Variants in FRAS1 observed in about 807,000 individuals in gnomAD.
FRAS1 encodes extracellular matrix organizing protein FRAS1.
FRAS1 carries 290 observed loss-of-function variants against 435.2 expected under a neutral mutation model. The observed-to-expected ratio is 0.67, with a 90% confidence interval of 0.61 to 0.73. The LOEUF is 0.73. FRAS1 is among the 30% of genes least tolerant of loss of function. FRAS1 has a pLI of 0.00. For missense variants in FRAS1, 4,860 were observed against 5,001.5 expected (o/e 0.97, Z 0.85); for synonymous variants, 1,800 against 1,851.0 (o/e 0.97, Z 0.71).
chr4:78,104,107 T>C (rs1742271034), intron 2 of FRAS1, among the ~76,000 whole-genome samples: 2 of 152,202 alleles, frequency 1.3e-5, no homozygotes, highest in Non-Finnish European at 1.5e-5. Context: ...CTGTTTTATT[T>C]AATATTTTAC....
intron 47 of FRAS1, among the ~76,000 whole-genome samples, chr4:78,456,927 C>T (rs182077067): frequency 2.6e-5 from 4 of 152,286 alleles, no homozygotes; most frequent in African/African-American, 7.2e-5. Context: ...AGACAGCTCT[C>T]AACACAACAC....
chr4:78,491,365 G>A (rs1260586792), intron 59 of FRAS1, among the ~76,000 whole-genome samples: 1 of 151,754 alleles, frequency 6.6e-6, no homozygotes, highest in African/African-American at 2.4e-5. Flanking sequence ...AAAAAATTCA[G>A]GCCAATATCT....
intron 2 of FRAS1, among the ~76,000 whole-genome samples, chr4:78,156,986 C>T (rs993839972): frequency 6.6e-6 from 1 of 152,180 alleles, no homozygotes. Flanking sequence ...CCTTCTAGGT[C>T]GCCTTTGCAG....
chr4:78,501,661 A>G (rs1025530660), intron 61 of FRAS1, among the ~76,000 whole-genome samples: 4 of 152,202 alleles, frequency 2.6e-5, no homozygotes, highest in African/African-American at 9.7e-5. Context: ...CGCCAGTCTA[A>G]CTGGCATGAG....
At chr4:78,133,731 C>T (rs534652937) in intron 2 of FRAS1, among the ~76,000 whole-genome samples, 1 of 152,262 alleles carries the variant, frequency 6.6e-6, no homozygotes, top group Non-Finnish European at 1.5e-5. Context: ...AACAAAATGA[C>T]GAGGCCAACC....
chr4:78,333,759 C>T (rs993937999), intron 19 of FRAS1, among the ~76,000 whole-genome samples: 1 of 152,134 alleles, frequency 6.6e-6, no homozygotes, highest in African/African-American at 2.4e-5. Context: ...AGAACTAGAA[C>T]TTAGTTCAGC....
intron 18 of FRAS1, among the ~76,000 whole-genome samples, chr4:78,332,909 G>A (rs1200646835): frequency 6.6e-6 from 1 of 152,172 alleles, no homozygotes; most frequent in Admixed American, 6.5e-5. Context: ...AACCCGATAA[G>A]CAGCAGAGTA....
At chr4:78,078,128 T>C (rs1002973125) in intron 2 of FRAS1, among the ~76,000 whole-genome samples, 1 of 152,194 alleles carries the variant, frequency 6.6e-6, no homozygotes. Context: ...TCTATGTCAA[T>C]ACACAGTTCT....
At chr4:78,120,819 T>C (rs67819118) in intron 2 of FRAS1, among the ~76,000 whole-genome samples, 12,855 of 152,262 alleles carry the variant, frequency 0.084, 758 homozygotes, top group Non-Finnish European at 0.13. Context: ...TGAATTAAAA[T>C]CTTGCTACAA....
rs369605412 is a variant in FRAS1 at position 78,318,986 on chromosome 4, G to A, written c.2137G>A (p.Ala713Thr). ...CTTGGAGAGCACTGGCATATGTGAA[G>A]GTAAGCATGATTTGAGAAAGTGTTA... ...FYLESTGICE[A>T]CHQSCFRCAG... Residue 713 changes from alanine to threonine, a missense_variant and splice_region_variant, in exon 18 of 74, where the codon GCT (alanine) becomes ACT (threonine). Transcript: ENST00000512123. 67 of 1,613,672 alleles carry A rather than the reference G, an allele frequency of 4.2e-5. No individual in the cohort carries two copies. Among genetic ancestry groups the A allele is most frequent in the Non-Finnish European group, 5.2e-5 (61 of 1,179,786 alleles).
intron 47 of FRAS1, among the ~76,000 whole-genome samples, chr4:78,454,173 TA>T (rs35377781): frequency 0.44 from 57,214 of 129,162 alleles, 11,837 homozygotes; most frequent in African/African-American, 0.6. Context: ...CGCTGATACA[TA>T]AAAAAAAAAA....
chr4:78,333,100 CAGG>C (rs200259044), intron 18 of FRAS1, among the ~76,000 whole-genome samples, 169 bp from the exon 19 acceptor site: 2,800 of 152,308 alleles, frequency 0.018, 41 homozygotes, highest in Non-Finnish European at 0.029. Context: ...GCTTGCTTTG[CAGG>C]AGACTGCCTT....
chr4:78,233,513 T>C (rs988041030), intron 2 of FRAS1, among the ~76,000 whole-genome samples: 1 of 138,750 alleles, frequency 7.2e-6, no homozygotes, highest in Non-Finnish European at 1.6e-5. Flanking sequence ...TTTGAGAAAA[T>C]GAAATAGTTA....
intron 18 of FRAS1, among the ~76,000 whole-genome samples, chr4:78,321,354 A>G (rs918344796): frequency 1.1e-4 from 16 of 152,234 alleles, no homozygotes; most frequent in African/African-American, 3.9e-4. Context: ...AGTATCCAGT[A>G]TCCGTGCTAT....
chr4:78,516,904 CAG>C (rs1350797693), intron 66 of FRAS1, among the ~76,000 whole-genome samples: 1 of 152,162 alleles, frequency 6.6e-6, no homozygotes, highest in East Asian at 1.9e-4. Context: ...GGTGGGGACA[CAG>C]AGCCAAACCA....
chr4:78,406,767 G>T lies in FRAS1; in HGVS notation c.4130-896G>T, dbSNP rs560894935. Among the ~76,000 whole-genome samples, 389 of 152,322 alleles carry T rather than the reference G, an allele frequency of 2.6e-3. 3 individuals are homozygous for T. The highest frequency in any genetic ancestry group is 8.8e-3 in the African/African-American group (364 of 41,580). On this transcript the variant is annotated intron_variant, in intron 30 of 73. Transcript: ENST00000512123. ...GAGCTTAAGGAAGCTCACTCAGCTG[G>T]AAACAATGGAGCTGGGTTTGAATCA...
At chr4:78,199,988 T>C (rs1257309682) in intron 2 of FRAS1, among the ~76,000 whole-genome samples, 3 of 152,200 alleles carry the variant, frequency 2.0e-5, no homozygotes, top group Admixed American at 1.3e-4. Context: ...GTAGAAGATA[T>C]GATAAGGATA....
intron 20 of FRAS1, among the ~76,000 whole-genome samples, chr4:78,341,633 A>G (rs1730401658): frequency 6.6e-6 from 1 of 152,212 alleles, no homozygotes; most frequent in African/African-American, 2.4e-5. Context: ...TTAACATAAT[A>G]GAAGCAACAG....
rs112475651 is a variant in FRAS1 at position 78,337,348 on chromosome 4, C to T, written c.2279-326C>T. On this transcript the variant is annotated intron_variant, in intron 19 of 73. Transcript: ENST00000512123. ...GTTAGGGTCAGGGAGTCCTACCACT[C>T]GTGTTTCTGCTCTGTGACTATGATT... Among the ~76,000 whole-genome samples the T allele has an allele frequency of 7.4e-4, 112 of 152,280 alleles. 1 individual carries two copies. The highest frequency in any genetic ancestry group is 3.4e-3 in the Middle Eastern group (1 of 294).
Sources: allele counts gnomAD v4.1 joint callset (sites outside exome capture counted in the v4.1 genomes callset), GRCh38; gene constraint gnomAD v4.1.1; transcripts MANE v1.5; gene names NCBI Gene and HGNC (gene_info 2026-07-23, HGNC 2026-07-21).